Variants in CXADR observed in about 807,000 individuals in gnomAD.
CXADR encodes the protein CXADR cell adhesion molecule.
A neutral mutation model predicts 40.3 loss-of-function variants in CXADR; 20 were observed. That is an observed-to-expected ratio of 0.50 (90% CI 0.35 to 0.72). The LOEUF (loss-of-function observed/expected upper bound fraction) is 0.72. Ranked by LOEUF, CXADR falls within the 30% of genes least tolerant of loss-of-function variation. The probability of loss-of-function intolerance (pLI) is 0.01; values close to 1 mark genes in which losing one functional copy is unlikely to be tolerated. For missense variants in CXADR, 332 were observed against 449.1 expected, an observed-to-expected ratio of 0.74 and a Z score of 2.36; for synonymous variants, 150 against 161.3, an observed-to-expected ratio of 0.93 and a Z score of 0.53.
At chr21:17,576,997 C>T (rs1290926891) in intron 7 of CXADR, 1 of 152,126 alleles carries the variant, frequency 6.6e-6, no homozygotes, top group African/African-American at 2.4e-5. Flanking sequence ...AAATATGTTA[C>T]ATTTCCATGC....
At chr21:17,575,232 C>T (rs376671220) in intron 7 of CXADR, among the ~76,000 whole-genome samples, 3 of 151,882 alleles carry the variant, frequency 2.0e-5, no homozygotes, top group East Asian at 3.9e-4. Flanking sequence ...TTGCCCAGGT[C>T]GGAGTGCAGT....
chr21:17,513,715 G>T (rs2123079315), intron 1 of CXADR, among the ~76,000 whole-genome samples: 1 of 152,346 alleles, frequency 6.6e-6, no homozygotes, highest in South Asian at 2.1e-4. Flanking sequence ...GCGAACGCCA[G>T]CCTGGACGGT....
At chr21:17,522,169 A>G (rs1306866419) in intron 1 of CXADR, among the ~76,000 whole-genome samples, 3 of 148,736 alleles carry the variant, frequency 2.0e-5, no homozygotes, top group African/African-American at 7.4e-5. Flanking sequence ...TTTTTTGGAG[A>G]CGGAGTTTTG....
chr21:17,629,678 C>T, the CXADR span, among the ~76,000 whole-genome samples: 2 of 151,936 alleles, frequency 1.3e-5, no homozygotes, highest in East Asian at 1.9e-4. Flanking sequence ...TCTATGAAAA[C>T]ATCAAATGGA....
At chr21:17,601,836 C>T in the CXADR span, among the ~76,000 whole-genome samples, 6 of 152,292 alleles carry the variant, frequency 3.9e-5, no homozygotes, top group African/African-American at 1.4e-4. Flanking sequence ...GAAACCTCAA[C>T]CAAGGGCAAA....
chr21:17,589,151 T>G (rs2123401567), intron 7 of CXADR, among the ~76,000 whole-genome samples: 1 of 152,160 alleles, frequency 6.6e-6, no homozygotes, highest in Non-Finnish European at 1.5e-5. Context: ...AATATTATCA[T>G]ATTATATATA....
rs117829115 is a variant in CXADR, at chr21:17,518,560, A to T, written c.43+5388A>T. The stretch of plus-strand genomic sequence containing the variant: ...CTTTGATGCCTCATCAAAATTTTCT[A>T]CAAGATCGGGAACATCATCATCCTC... On this transcript the variant is annotated intron_variant, in intron 1 of 6. Coordinates refer to ENST00000284878, the MANE Select transcript of CXADR (RefSeq NM_001338.5). 2.1e-4 allele frequency: 249 copies of T among 1,183,498 alleles called. 2 individuals carry two copies. The East Asian group carries it at 5.0e-3, about 24-fold the overall frequency. The allele number at this position is 1,183,498 out of a possible 1,614,324, so 73.3% of individuals were successfully genotyped here.
chr21:17,519,820 G>A (rs1001263721), intron 1 of CXADR, among the ~76,000 whole-genome samples: 1 of 152,042 alleles, frequency 6.6e-6, no homozygotes, highest in African/African-American at 2.4e-5. Flanking sequence ...TTAGCCAGGT[G>A]TGGTGATGTG....
intron 3 of CXADR, among the ~76,000 whole-genome samples, chr21:17,555,252 T>C (rs1487698638): frequency 1.3e-5 from 2 of 152,170 alleles, no homozygotes; most frequent in African/African-American, 2.4e-5. Flanking sequence ...ACATATATGG[T>C]ATACTCCCAC....
At chr21:17,541,944 C>A in intron 1 of CXADR, 2 of 273,568 alleles carry the variant, frequency 7.3e-6, no homozygotes, top group South Asian at 3.4e-5. Context: ...TGGGAAGATA[C>A]TTTGACATTA....
At chr21:17,627,860 T>C in the CXADR span, among the ~76,000 whole-genome samples, 60 of 152,214 alleles carry the variant, frequency 3.9e-4, no homozygotes, top group Admixed American at 3.9e-3. Flanking sequence ...AAAGTATGGA[T>C]GTGTGAACAA....
intron 1 of CXADR, among the ~76,000 whole-genome samples, chr21:17,517,722 A>T (rs993399448): frequency 6.6e-6 from 1 of 152,222 alleles, no homozygotes; most frequent in African/African-American, 2.4e-5. Flanking sequence ...ACAAAATCTT[A>T]CAAAAGGTGG....
chr21:17,548,014 C>G (rs192846980), intron 2 of CXADR, among the ~76,000 whole-genome samples: 5 of 152,158 alleles, frequency 3.3e-5, no homozygotes, highest in Admixed American at 3.3e-4. Context: ...TTCTAGAATA[C>G]TTTATTTAGA....
intron 7 of CXADR, among the ~76,000 whole-genome samples, chr21:17,582,142 CCT>C (rs1441335087): frequency 0.083 from 5 of 60 alleles, no homozygotes; most frequent in African/African-American, 0.21. Flanking sequence ...TCTAGGTCTC[CCT>C]GAATTCCTGG....
the CXADR span, among the ~76,000 whole-genome samples, chr21:17,602,734 GT>G: frequency 1.3e-5 from 2 of 152,140 alleles, no homozygotes; most frequent in African/African-American, 4.8e-5. Flanking sequence ...CAAAGTAGCA[GT>G]TTTTTCCTAC....
At chr21:17,625,292 T>C in the CXADR span, among the ~76,000 whole-genome samples, 1 of 152,110 alleles carries the variant, frequency 6.6e-6, no homozygotes, top group Non-Finnish European at 1.5e-5. Context: ...GAGGTCATTA[T>C]AGCAACTTCT....
intron 3 of CXADR, among the ~76,000 whole-genome samples, chr21:17,553,434 G>T (rs2060994718): frequency 6.6e-6 from 1 of 152,194 alleles, no homozygotes; most frequent in Middle Eastern, 3.4e-3. Flanking sequence ...ATTCTGAATC[G>T]CACTAACTAA....
At chr21:17,552,038 T>C (rs1260114374) in intron 3 of CXADR, 85 bp downstream of exon 3, 11 of 998,834 alleles carry the variant, frequency 1.1e-5, no homozygotes, top group Non-Finnish European at 1.7e-5. Flanking sequence ...TTGTATAAAA[T>C]AAAGCTTAAT....
downstream of CXADR, among the ~76,000 whole-genome samples, chr21:17,596,160 G>A (rs1016433460): frequency 6.6e-5 from 10 of 151,750 alleles, no homozygotes; most frequent in East Asian, 1.2e-3. Flanking sequence ...ATTTGTGAGC[G>A]ATTTTAAAAA....
Sources: gnomAD v4.1 joint callset for allele counts (sites outside exome capture counted in the v4.1 genomes callset) on GRCh38, gnomAD v4.1.1 for gene constraint, MANE v1.5 for transcripts, NCBI Gene and HGNC (gene_info 2026-07-23, HGNC 2026-07-21) for gene names.